Variants in PRDM7 observed in about 807,000 individuals in gnomAD.
PRDM7 encodes PR/SET domain 7.
PRDM7 carries 52 observed loss-of-function variants against 64.3 expected under a neutral mutation model. The ratio of observed to expected loss-of-function variants is 0.81; its 90% CI spans 0.65 to 1.02. PRDM7 has a LOEUF of 1.02. Ranked by LOEUF, PRDM7 falls within the 50% of genes least tolerant of loss-of-function variation. PRDM7 has a pLI of 0.00. For missense variants in PRDM7, 574 were observed against 597.1 expected (o/e 0.96, Z 0.40); for synonymous variants, 192 against 210.1 (o/e 0.91, Z 0.74).
chr16:90,066,957 A>C (rs1449639281), intron 4 of PRDM7, 47 bp from the exon 5 acceptor site: 1 of 1,495,244 alleles, frequency 6.7e-7, no homozygotes, highest in East Asian at 2.3e-5. Flanking sequence ...AATGTTTCCA[A>C]ACTCTAGAGA....
intron 6 of PRDM7, 50 bp downstream of exon 6, chr16:90,063,562 C>A (rs4493039): frequency 0.18 from 280,247 of 1,599,134 alleles, 34,973 homozygotes; most frequent in East Asian, 0.75. Context: ...TACTCACCAA[C>A]CTTTCTAGAG....
intron 6 of PRDM7, 132 bp downstream of exon 6, chr16:90,063,480 A>G (rs2037817569): frequency 1.1e-6 from 1 of 920,004 alleles, no homozygotes; most frequent in Non-Finnish European, 1.7e-6. Context: ...TACTGCATCT[A>G]ACTTCTGGTC....
chr16:90,073,402 A>ATTT (rs536683798), intron 4 of PRDM7, among the ~76,000 whole-genome samples: 2 of 141,714 alleles, frequency 1.4e-5, no homozygotes, highest in Admixed American at 7.1e-5. Context: ...AAGAATGACA[A>ATTT]TTTTTTTTTT....
At chr16:90,073,432 C>T (rs1452394301) in intron 4 of PRDM7, among the ~76,000 whole-genome samples, 1 of 149,974 alleles carries the variant, frequency 6.7e-6, no homozygotes, top group Non-Finnish European at 1.5e-5. Flanking sequence ...TGGAGTCTCG[C>T]TCTGTCGCCC....
At position 90,075,280 on chromosome 16, in the gene PRDM7, T is replaced by G; in HGVS notation, c.193+71A>C. ...TGGGCAGATGCCGCCACCTGATAAT[T>G]AAAATAATATAGGGACCAAAGACCT... On this transcript the variant is annotated intron_variant, in intron 3 of 10. Coordinates refer to ENST00000449207, the MANE Select transcript of PRDM7 (RefSeq NM_001098173.2). This position sits in a 1 kb window ranked among gnomAD's most constrained non-coding sequence, Gnocchi z 4.3. 2 of 1,609,596 alleles carry G rather than the reference T, an allele frequency of 1.2e-6. No individual in the cohort carries two copies. The highest frequency in any genetic ancestry group is 1.7e-6 in the Non-Finnish European group (2 of 1,177,236).
At position 90,074,827 on chromosome 16, in the gene PRDM7, C is replaced by T. The variant is rs148837521; in HGVS notation, c.301+89G>A. On this transcript the variant is annotated intron_variant, in intron 4 of 10. Coordinates refer to ENST00000449207, the MANE Select transcript of PRDM7 (RefSeq NM_001098173.2). ...CTGGGAGGCAGAGGTTGCCGTGAGC[C>T]AAGATCACGCCATTGCACTCCAGCC... 6.5e-4 allele frequency: 872 copies of T among 1,347,830 alleles called. 2 individuals are homozygous for T. The African/African-American group carries it at 0.011, about 17-fold the overall frequency. 83.5% of individuals were successfully genotyped at this position (1,347,830 alleles called of 1,614,324 possible).
Position 90,074,866 on chromosome 16 carries a change from C to T in PRDM7, c.301+50G>A, listed in dbSNP as rs373962898. ...TGCACTCCAGCCTGGGCAACAAGAG[C>T]GAAACTCCGTCTTTAAAAAAAAAAA... On this transcript the variant is annotated intron_variant, in intron 4 of 10. Transcript: ENST00000449207. The T allele has an allele frequency of 1.2e-4, 194 of 1,581,810 alleles. 1 individual carries two copies. In the African/African-American group the frequency reaches 1.9e-3, roughly 15 times the overall value.
chr16:90,071,591 G>A (rs1169370494), intron 4 of PRDM7, among the ~76,000 whole-genome samples: 3 of 115,054 alleles, frequency 2.6e-5, no homozygotes, highest in Non-Finnish European at 5.6e-5. Context: ...ACAGGGAAGG[G>A]CCCAACTCAT....
intron 5 of PRDM7, among the ~76,000 whole-genome samples, chr16:90,064,230 A>G (rs1322601413): frequency 3.3e-5 from 5 of 152,250 alleles, no homozygotes. Context: ...AAATATATCT[A>G]GACAACTAAG....
chr16:90,062,391 G>A lies in PRDM7; in HGVS notation c.610+10C>T. On this transcript the variant is annotated intron_variant, in intron 7 of 10. Transcript: ENST00000449207. Reference sequence around the variant, plus strand: ...AGCAAGCTGTGTGAGTGGCTGAAAGGGTCACTCACAGAGGTAGTCATCATC... The same window carrying A: ...AGCAAGCTGTGTGAGTGGCTGAAAGAGTCACTCACAGAGGTAGTCATCATC... The A allele has an allele frequency of 6.2e-7, 1 of 1,613,274 alleles. No individual in the cohort carries two copies. The highest frequency in any genetic ancestry group is 1.1e-5 in the South Asian group (1 of 91,060).
Position 90,062,469 on chromosome 16 carries a change from T to A in PRDM7, c.542A>T (p.Tyr181Phe), listed in dbSNP as rs2037799084. ...LRRKETEGKM[Y>F]SLRERKGHAY... ...ATGACCCTTTCTTTCTCGCAGGCTATACATCTTTCCTTCAGTCTCCTTCCT... is the reference window on the plus strand; with the variant it reads ...ATGACCCTTTCTTTCTCGCAGGCTAAACATCTTTCCTTCAGTCTCCTTCCT... Residue 181 changes from tyrosine to phenylalanine, a missense_variant, in exon 7 of 11, where the codon TAT becomes TTT. Tyr to Phe is a conservative substitution (Grantham distance 22). Coordinates refer to ENST00000449207, the MANE Select transcript of PRDM7 (RefSeq NM_001098173.2). 6.2e-7 allele frequency: 1 copy of A among 1,614,062 alleles called. No homozygotes were observed. The highest frequency in any genetic ancestry group is 8.5e-7 in the Non-Finnish European group (1 of 1,180,032).
intron 4 of PRDM7, among the ~76,000 whole-genome samples, chr16:90,071,940 C>G (rs1219033789): frequency 6.6e-6 from 1 of 152,128 alleles, no homozygotes; most frequent in African/African-American, 2.4e-5. Context: ...TGCCTGTAAT[C>G]CCAGCACTTC....
rs746654387 is a variant in PRDM7, at chr16:90,062,180, C to T, written c.623G>A (p.Cys208Tyr). ...QDDDYLYCEM[C>Y]QNFFIDSCAA... ...ACAGCTGTCAATGAAGAAGTTCTGA[C>T]ACATCTCACAATCTGGAAGTGAGGG... Residue 208 changes from cysteine to tyrosine, a missense_variant, in exon 8 of 11, where the codon TGT (cysteine) becomes TAT (tyrosine). Physicochemically the swap from Cys to Tyr is radical, Grantham distance 194 (BLOSUM62 -2). Coordinates refer to ENST00000449207, the MANE Select transcript of PRDM7 (RefSeq NM_001098173.2). The T allele has an allele frequency of 2.2e-5, 35 of 1,614,114 alleles. No individual in the cohort carries two copies. The highest frequency in any genetic ancestry group is 5.0e-5 in the Admixed American group (3 of 60,010).
chr16:90,063,668 G>T lies in PRDM7; in HGVS notation c.452C>A (p.Pro151Gln), dbSNP rs758251358. ...NTSDSEQAQK[P>Q]VSPPGEASTS... Reference sequence around the variant, plus strand: ...ACTTGCTTCTCCAGGAGGGGACACTGGTTTCTGAGCCTGCTCTGAGTCACT... The same window carrying T: ...ACTTGCTTCTCCAGGAGGGGACACTTGTTTCTGAGCCTGCTCTGAGTCACT... Residue 151 changes from proline (P) to glutamine (Q), a missense_variant, in exon 6 of 11, where the codon CCA becomes CAA. Pro to Gln is a moderately conservative substitution (Grantham distance 76). Transcript: ENST00000449207. 3.7e-6 allele frequency: 6 copies of T among 1,613,992 alleles called. No individual in the cohort carries two copies. In the Admixed American group the frequency reaches 1.0e-4, roughly 27 times the overall value.
rs570051982 is a variant in PRDM7, at chr16:90,057,827, T to C, written c.*462A>G. On this transcript the variant is annotated 3_prime_UTR_variant, in exon 11 of 11. Coordinates refer to ENST00000449207, the MANE Select transcript of PRDM7 (RefSeq NM_001098173.2). ...TTGTGGCTATTGAGATAAGGTTTTA[T>C]TACTAATGACTTACTCATCCTTCCT... 60 of 1,459,190 alleles carry C rather than the reference T, an allele frequency of 4.1e-5. No individual in the cohort carries two copies. The African/African-American group carries it at 6.7e-4, about 16-fold the overall frequency. The allele number at this position is 1,459,190 out of a possible 1,614,324, so 90.4% of individuals were successfully genotyped here. A position where few individuals can be genotyped will look rare whatever the true frequency, so the allele number is the denominator to read the frequency against.
intron 9 of PRDM7, 82 bp downstream of exon 9, chr16:90,061,370 G>A: frequency 7.2e-7 from 1 of 1,379,654 alleles, no homozygotes; most frequent in Non-Finnish European, 1.0e-6. Context: ...AATCATTGAG[G>A]GAGGCATAAT....
intron 5 of PRDM7, among the ~76,000 whole-genome samples, chr16:90,066,079 A>G (rs900943957): frequency 1.3e-5 from 2 of 151,380 alleles, no homozygotes; most frequent in Non-Finnish European, 2.9e-5. Flanking sequence ...TTCTACAGGA[A>G]TGAGCATTTG....
intron 5 of PRDM7, among the ~76,000 whole-genome samples, chr16:90,065,590 C>A (rs1278336699): frequency 6.6e-6 from 1 of 150,494 alleles, no homozygotes; most frequent in Non-Finnish European, 1.5e-5. Flanking sequence ...TAAAAATTAG[C>A]TGGGCATGGT....
At position 90,075,961 on chromosome 16, in the gene PRDM7, G is replaced by T. The variant is rs1309755381; in HGVS notation, c.-51C>A. On this transcript the variant is annotated 5_prime_UTR_variant, in exon 2 of 11. Coordinates refer to ENST00000449207, the MANE Select transcript of PRDM7 (RefSeq NM_001098173.2). The surrounding 1 kb of genome is among the most constrained non-coding windows in gnomAD (Gnocchi z 4.3). ...TGCTCCAATTCTGAGTGTGGGAAGG[G>T]CCCCTGAGTCTCCCAGCTCCTAGGC... 6.3e-7 allele frequency: 1 copy of T among 1,585,466 alleles called. No homozygotes were observed. Among genetic ancestry groups the T allele is most frequent in the Non-Finnish European group, 8.6e-7 (1 of 1,161,494 alleles).
Sources: allele counts gnomAD v4.1 joint callset (sites outside exome capture counted in the v4.1 genomes callset), GRCh38; gene constraint gnomAD v4.1.1; non-coding constraint Gnocchi (gnomAD v3.1); transcripts MANE v1.5; gene names NCBI Gene and HGNC (gene_info 2026-07-23, HGNC 2026-07-21).